Variants in STK3 observed in about 807,000 individuals in gnomAD.
STK3 encodes the protein serine/threonine kinase 3.
A neutral mutation model predicts 58.0 loss-of-function variants in STK3; 41 were observed. The ratio of observed to expected loss-of-function variants is 0.71; its 90% CI spans 0.55 to 0.92. STK3 has a LOEUF of 0.92. Ranked by LOEUF, STK3 falls within the 40% of genes least tolerant of loss-of-function variation. The pLI is 0.00. For missense variants in STK3, 479 were observed against 602.7 expected (o/e 0.79, Z 2.15); for synonymous variants, 170 against 191.0 (o/e 0.89, Z 0.91).
At position 98,443,563 on chromosome 8, in the gene STK3, A is replaced by T. The variant is rs186585838; in HGVS notation, n.186-6355T>A. 5.3e-3 allele frequency among the ~76,000 whole-genome samples: 809 copies of T among 152,330 alleles called. 7 individuals carry two copies. The highest frequency in any genetic ancestry group is 8.3e-3 in the Non-Finnish European group (565 of 68,028). ...ATTGGGTTTCTAAGGCTTCTTAACC[A>T]TAGGCTGGGCATGGTGGCTCATGCC... is the stretch of plus-strand genomic sequence containing the variant. On this transcript the variant is annotated intron_variant and non_coding_transcript_variant, in intron 1 of 3. Transcript: ENST00000517832.
intron 1 of STK3, among the ~76,000 whole-genome samples, chr8:98,908,263 T>C (rs1433094895): frequency 6.6e-6 from 1 of 152,260 alleles, no homozygotes; most frequent in Non-Finnish European, 1.5e-5. Context: ...TTATCAACTT[T>C]TGATTATCCT....
chr8:98,494,679 A>G (rs920453347), intron 10 of STK3, among the ~76,000 whole-genome samples: 11 of 150,468 alleles, frequency 7.3e-5, no homozygotes, highest in East Asian at 1.9e-4. Context: ...AAAAAAAAAA[A>G]AGAGAGAGAG....
At chr8:98,778,495 A>G (rs1265683353) in intron 1 of STK3, among the ~76,000 whole-genome samples, 1 of 152,150 alleles carries the variant, frequency 6.6e-6, no homozygotes, top group Non-Finnish European at 1.5e-5. Context: ...ATCTAGAACT[A>G]GAAATACCGT....
At chr8:98,862,934 G>A (rs924967410) in intron 3 of STK3, among the ~76,000 whole-genome samples, 1 of 152,194 alleles carries the variant, frequency 6.6e-6, no homozygotes, top group African/African-American at 2.4e-5. Flanking sequence ...TTGGTGGATT[G>A]GCCAATTTAG....
At chr8:98,395,775 A>T (rs1817892176) in intron 3 of STK3, among the ~76,000 whole-genome samples, 1 of 152,212 alleles carries the variant, frequency 6.6e-6, no homozygotes, top group Non-Finnish European at 1.5e-5. Context: ...AATGTTAGTA[A>T]ACCACCTACA....
intron 10 of STK3, among the ~76,000 whole-genome samples, chr8:98,489,862 A>T (rs1822557139): frequency 6.6e-6 from 1 of 152,198 alleles, no homozygotes; most frequent in African/African-American, 2.4e-5. Flanking sequence ...TTTGGTTTAC[A>T]CCTCTAAGTG....
intron 1 of STK3, among the ~76,000 whole-genome samples, chr8:98,779,140 A>C (rs6468643): frequency 0.88 from 134,099 of 151,954 alleles, 59,952 homozygotes; most frequent in African/African-American, 0.97. Context: ...TTTCTTCTCA[A>C]CTAAAAAAAA....
chr8:98,476,983 A>G (rs1821362834), intron 10 of STK3, among the ~76,000 whole-genome samples: 1 of 152,262 alleles, frequency 6.6e-6, no homozygotes, highest in African/African-American at 2.4e-5. Context: ...TCTTCATAAA[A>G]GCAGGAAATG....
intron 1 of STK3, among the ~76,000 whole-genome samples, chr8:98,890,880 C>T (rs1838173109): frequency 1.3e-5 from 2 of 152,190 alleles, no homozygotes; most frequent in South Asian, 4.1e-4. Flanking sequence ...CACCAGTCAG[C>T]TTGGCATTGT....
intron 6 of STK3, among the ~76,000 whole-genome samples, chr8:98,638,232 A>G (rs954987150): frequency 1.3e-5 from 2 of 152,224 alleles, no homozygotes; most frequent in Non-Finnish European, 2.9e-5. Flanking sequence ...AAAAGTACTC[A>G]AAAGAAACTC....
At chr8:98,759,129 G>C (rs1288476263) in intron 3 of STK3, among the ~76,000 whole-genome samples, 2 of 152,310 alleles carry the variant, frequency 1.3e-5, no homozygotes, top group East Asian at 3.9e-4. Context: ...TTGCATTCAA[G>C]CTTGGCTAGC....
chr8:98,393,575 C>T (rs188748167), intron 3 of STK3: 1 of 152,336 alleles, frequency 6.6e-6, no homozygotes, highest in Admixed American at 6.5e-5. Flanking sequence ...TCACACACTT[C>T]TGCCCTTTGC....
At chr8:98,595,097 G>C (rs1815691725) in intron 7 of STK3, 1 of 152,056 alleles carries the variant, frequency 6.6e-6, no homozygotes, top group Non-Finnish European at 1.5e-5. Context: ...TATTTCTGTA[G>C]AATAAATTCC....
In STK3 at chr8:98,428,197, G is replaced by A. The variant is rs757872023; in HGVS notation, n.483+5930C>T. Reference sequence around the variant, plus strand: ...GTCCAGCGGGAGTTCTACTTCGACCGCAACCCTGAGCTCTTCCCCTACGTG... The same window carrying A: ...GTCCAGCGGGAGTTCTACTTCGACCACAACCCTGAGCTCTTCCCCTACGTG... On this transcript the variant is annotated intron_variant and non_coding_transcript_variant, in intron 3 of 3. Transcript: ENST00000517832. This position sits in a 1 kb window ranked among gnomAD's most constrained non-coding sequence, Gnocchi z 6.7. The A allele has an allele frequency of 1.2e-6, 2 of 1,614,024 alleles. No homozygotes were observed. The highest frequency in any genetic ancestry group is 4.5e-5 in the East Asian group (2 of 44,870).
chr8:98,491,765 A>G (rs1341781679), intron 10 of STK3, among the ~76,000 whole-genome samples: 2 of 152,222 alleles, frequency 1.3e-5, no homozygotes, highest in Non-Finnish European at 2.9e-5. Context: ...CAGTATTAAT[A>G]CAGGAAGGCT....
chr8:98,722,945 C>G (rs1307705796), intron 4 of STK3: 1 of 482,396 alleles, frequency 2.1e-6, no homozygotes, highest in Non-Finnish European at 4.1e-6. Context: ...CTAGCACTTC[C>G]TTCAGTGGTA....
intron 1 of STK3, among the ~76,000 whole-genome samples, chr8:98,916,890 T>C (rs1211677138): frequency 2.0e-5 from 3 of 152,206 alleles, no homozygotes; most frequent in Non-Finnish European, 2.9e-5. Flanking sequence ...GGAGTGGTTC[T>C]AGGTTAGTCA....
At chr8:98,517,254 C>A (rs1825006340) in intron 10 of STK3, among the ~76,000 whole-genome samples, 1 of 151,956 alleles carries the variant, frequency 6.6e-6, no homozygotes, top group Non-Finnish European at 1.5e-5. Flanking sequence ...AATTACAAAA[C>A]AAGACTACTT....
intron 2 of STK3, among the ~76,000 whole-genome samples, chr8:98,378,085 G>C (rs1368723492): frequency 1.3e-5 from 2 of 152,196 alleles, no homozygotes; most frequent in Non-Finnish European, 2.9e-5. Flanking sequence ...AAGCAAGACA[G>C]CTTCAGAGAG....
Sources: gnomAD v4.1 joint callset for allele counts (sites outside exome capture counted in the v4.1 genomes callset) on GRCh38, gnomAD v4.1.1 for gene constraint, Gnocchi (gnomAD v3.1) non-coding constraint, MANE v1.5 for transcripts, NCBI Gene and HGNC (gene_info 2026-07-23, HGNC 2026-07-21) for gene names.